Variants in FBXO36 observed in about 807,000 individuals in gnomAD.
FBXO36 encodes the protein F-box only protein 36.
FBXO36 carries 18 observed loss-of-function variants against 17.0 expected under a neutral mutation model. The ratio of observed to expected loss-of-function variants is 1.06; its 90% CI spans 0.73 to 1.57. FBXO36 has a LOEUF of 1.57. Among genes scored for constraint, FBXO36 ranks in the 40% most tolerant of loss-of-function variants. The pLI is 0.00. For missense variants in FBXO36, 229 were observed against 221.9 expected, an observed-to-expected ratio of 1.03 and a Z score of -0.20; for synonymous variants, 83 against 85.3, an observed-to-expected ratio of 0.97 and a Z score of 0.15.
chr2:229,961,279 A>G (rs1051293864), intron 1 of FBXO36, among the ~76,000 whole-genome samples: 1 of 152,194 alleles, frequency 6.6e-6, no homozygotes, highest in Non-Finnish European at 1.5e-5. Flanking sequence ...TACAAATACC[A>G]TGCTAATTTA....
chr2:229,951,394 C>A (rs901748750), intron 1 of FBXO36, among the ~76,000 whole-genome samples: 34 of 152,082 alleles, frequency 2.2e-4, no homozygotes, highest in African/African-American at 7.7e-4. Context: ...CAGGCACGTG[C>A]CACCATGCCT....
intron 1 of FBXO36, among the ~76,000 whole-genome samples, chr2:229,957,815 G>A (rs373240492): frequency 7.2e-5 from 11 of 152,044 alleles, no homozygotes; most frequent in East Asian, 3.8e-4. Flanking sequence ...CTCATTCCCC[G>A]CCAGGAGATT....
At chr2:229,935,507 C>G (rs1010092991) in intron 1 of FBXO36, among the ~76,000 whole-genome samples, 8 of 152,032 alleles carry the variant, frequency 5.3e-5, no homozygotes, top group Non-Finnish European at 1.0e-4. Flanking sequence ...GAGCAAAACT[C>G]CGTCTCAAAT....
intron 1 of FBXO36, among the ~76,000 whole-genome samples, chr2:229,956,579 G>A (rs766657321): frequency 9.9e-5 from 15 of 152,146 alleles, no homozygotes; most frequent in Non-Finnish European, 1.3e-4. Flanking sequence ...GTGACAACTC[G>A]TGACAAAGTC....
In FBXO36 at chr2:230,010,775, C is replaced by T. The variant is rs200898703; in HGVS notation, c.458C>T (p.Ala153Val). 2.8e-4 allele frequency: 449 copies of T among 1,613,946 alleles called. 2 individuals are homozygous for T. In the South Asian group the frequency reaches 4.6e-3, roughly 16 times the overall value. ...DTITPDVRAL[A>V]EDTGWRQLFF... The stretch of plus-strand genomic sequence containing the variant: ...ATCACTCCTGACGTGAGGGCCCTGG[C>T]GGAGGACACAGGCTGGAGACAGCTG... Residue 153 changes from alanine (A) to valine (V), a missense_variant, in exon 4 of 4, where the codon GCG becomes GTG. Physicochemically the swap from Ala to Val is moderately conservative, Grantham distance 64 (BLOSUM62 0). Transcript: ENST00000283946.
At chr2:229,923,413 T>A (rs2076846965) in intron 1 of FBXO36, among the ~76,000 whole-genome samples, 1 of 152,182 alleles carries the variant, frequency 6.6e-6, no homozygotes, top group Admixed American at 6.5e-5. Flanking sequence ...CCTGGCTGAG[T>A]TTACGCCTGT....
intron 2 of FBXO36, among the ~76,000 whole-genome samples, chr2:229,995,050 G>T (rs1388276261): frequency 2.6e-5 from 4 of 152,020 alleles, no homozygotes; most frequent in African/African-American, 4.8e-5. Context: ...GGGGGCGGAG[G>T]TTGCAGTGAG....
At chr2:229,939,277 T>C (rs1347813624) in intron 1 of FBXO36, 3 of 985,086 alleles carry the variant, frequency 3.0e-6, no homozygotes, top group Non-Finnish European at 3.6e-6. Flanking sequence ...AGGTAAGATA[T>C]ACAATTTTTT....
chr2:229,964,574 C>T (rs1006133915), intron 1 of FBXO36, among the ~76,000 whole-genome samples: 3 of 152,210 alleles, frequency 2.0e-5, no homozygotes, highest in African/African-American at 7.2e-5. Context: ...GGCTGAAGTG[C>T]AGTTGGTGCG....
intron 2 of FBXO36, among the ~76,000 whole-genome samples, chr2:229,977,728 G>A (rs1429843292): frequency 6.6e-6 from 1 of 152,138 alleles, no homozygotes; most frequent in African/African-American, 2.4e-5. Context: ...GGAATTACAG[G>A]CGTGAGCCAC....
rs5839351 is a variant in FBXO36 at position 230,011,598 on chromosome 2, C to CTTTTTTTTTTTTTTTTTTTTTTTT, written c.*731_*732insTTTTTTTTTTTTTTTTTTTTTTTT. 1.6e-5 allele frequency: 2 copies of CTTTTTTTTTTTTTTTTTTTTTTTT among 123,442 alleles called. No homozygotes were observed. Among genetic ancestry groups the CTTTTTTTTTTTTTTTTTTTTTTTT allele is most frequent in the South Asian group, 2.5e-4 (1 of 3,972 alleles). 7.6% of individuals were successfully genotyped at this position (123,442 alleles called of 1,614,324 possible). A position where few individuals can be genotyped will look rare whatever the true frequency, so the allele number is the denominator to read the frequency against. On this transcript the variant is annotated 3_prime_UTR_variant, in exon 4 of 4. Coordinates refer to ENST00000283946, the MANE Select transcript of FBXO36 (RefSeq NM_174899.5). Reference sequence around the variant, plus strand: ...AACCTATAAACATTTCTTTTCTTTTCTTTTTTTTTTTTTTTTTGTATTTTC... The same window carrying CTTTTTTTTTTTTTTTTTTTTTTTT: ...AACCTATAAACATTTCTTTTCTTTTCTTTTTTTTTTTTTTTTTTTTTTTTTTTTTTTTTTTTTTTTTGTATTTTC...
intron 2 of FBXO36, chr2:229,977,279 G>A (rs1035204589): frequency 1.3e-5 from 2 of 152,202 alleles, no homozygotes; most frequent in Non-Finnish European, 2.9e-5. Context: ...TTACAGGCAT[G>A]AGCCACTGCA....
intron 2 of FBXO36, among the ~76,000 whole-genome samples, chr2:229,983,405 C>T (rs1255846937): frequency 6.6e-6 from 1 of 151,772 alleles, no homozygotes; most frequent in Non-Finnish European, 1.5e-5. Context: ...ACAAAACAAT[C>T]CTCCCACCTC....
chr2:229,997,455 G>C (rs2077333142), intron 3 of FBXO36, among the ~76,000 whole-genome samples: 1 of 151,892 alleles, frequency 6.6e-6, no homozygotes, highest in South Asian at 2.1e-4. Context: ...GCAGGTGTTT[G>C]TAATCCCAGC....
intron 2 of FBXO36, among the ~76,000 whole-genome samples, chr2:229,981,971 G>A (rs1396913467): frequency 2.6e-5 from 4 of 151,934 alleles, no homozygotes; most frequent in South Asian, 2.1e-4. Flanking sequence ...GGCAGGAGCA[G>A]GAACAAGAGA....
At chr2:229,949,873 C>A (rs554055184) in intron 1 of FBXO36, among the ~76,000 whole-genome samples, 21 of 152,128 alleles carry the variant, frequency 1.4e-4, no homozygotes, top group Non-Finnish European at 2.9e-5. Context: ...TGCAGTGAGC[C>A]GAGATCGTGC....
chr2:229,944,624 G>A (rs1277702674), intron 1 of FBXO36, among the ~76,000 whole-genome samples: 1 of 133,502 alleles, frequency 7.5e-6, no homozygotes, highest in East Asian at 2.1e-4. Flanking sequence ...ACGGAGTCAC[G>A]CTCTGTCGCC....
At chr2:229,931,916 A>ATT (rs1460630652) in intron 1 of FBXO36, among the ~76,000 whole-genome samples, 7 of 112,050 alleles carry the variant, frequency 6.2e-5, no homozygotes, top group South Asian at 2.7e-4. Context: ...GTATATGTGT[A>ATT]TATATTTTTT....
chr2:230,004,488 T>C (rs1055811078), intron 3 of FBXO36, among the ~76,000 whole-genome samples: 7 of 152,210 alleles, frequency 4.6e-5, no homozygotes, highest in African/African-American at 1.7e-4. Flanking sequence ...CCCCTCCCAG[T>C]CCTGACCCTC....
Sources: gnomAD v4.1 joint callset for allele counts (sites outside exome capture counted in the v4.1 genomes callset) on GRCh38, gnomAD v4.1.1 for gene constraint, MANE v1.5 for transcripts, NCBI Gene and HGNC (gene_info 2026-07-23, HGNC 2026-07-21) for gene names.